Variants in DIAPH3 observed in about 807,000 individuals in gnomAD.
DIAPH3 encodes protein diaphanous homolog 3.
Under a neutral mutation model 144.3 loss-of-function variants are expected in DIAPH3, and 117 were observed. The observed-to-expected ratio is 0.81, with a 90% CI of 0.70 to 0.95. The LOEUF (loss-of-function observed/expected upper bound fraction) is 0.95. Among genes scored for constraint, DIAPH3 ranks in the 40% least tolerant of loss-of-function variants. The pLI is 0.00. For synonymous variants in DIAPH3, 519 were observed against 488.9 expected (o/e 1.06, Z -0.81); for missense variants, 1,421 against 1,412.7 (o/e 1.01, Z -0.09).
chr13:60,038,220 G>A (rs1258790970), intron 5 of DIAPH3, among the ~76,000 whole-genome samples: 2 of 152,172 alleles, frequency 1.3e-5, no homozygotes, highest in Non-Finnish European at 2.9e-5. Flanking sequence ...TCATTAGTAG[G>A]CAAGGAGATG....
chr13:59,689,719 C>T (rs943548163), intron 27 of DIAPH3, among the ~76,000 whole-genome samples: 2 of 151,488 alleles, frequency 1.3e-5, no homozygotes. Context: ...AAAGATTTGG[C>T]AGATGTTGGG....
chr13:59,853,861 T>G (rs2043115064), intron 22 of DIAPH3, among the ~76,000 whole-genome samples: 1 of 152,164 alleles, frequency 6.6e-6, no homozygotes, highest in Admixed American at 6.5e-5. Flanking sequence ...TTAGTATAAT[T>G]TCCATGCACT....
intron 27 of DIAPH3, among the ~76,000 whole-genome samples, chr13:59,773,533 A>C (rs1446315562): frequency 2.0e-5 from 3 of 152,210 alleles, no homozygotes; most frequent in Non-Finnish European, 4.4e-5. Context: ...GAACCCAAGG[A>C]CATAACACAG....
At chr13:59,995,056 C>T (rs2052104837) in intron 9 of DIAPH3, among the ~76,000 whole-genome samples, 2 of 151,730 alleles carry the variant, frequency 1.3e-5, no homozygotes, top group Non-Finnish European at 2.9e-5. Flanking sequence ...AGGCCTCCCA[C>T]TTTTGTTATT....
At chr13:60,163,208 GTTC>G (rs1337975677) in intron 1 of DIAPH3, among the ~76,000 whole-genome samples, 2 of 152,062 alleles carry the variant, frequency 1.3e-5, no homozygotes, top group African/African-American at 2.4e-5. Flanking sequence ...GTAATTAAAA[GTTC>G]TTATTAAAAT....
chr13:60,149,683 G>A lies in DIAPH3; in HGVS notation c.180+13904C>T, dbSNP rs949993979. 8.7e-5 allele frequency among the ~76,000 whole-genome samples: 13 copies of A among 149,352 alleles called. No homozygotes were observed. The East Asian group carries it at 2.6e-3, about 29-fold the overall frequency. On this transcript the variant is annotated intron_variant, in intron 1 of 27. Transcript: ENST00000400324. ...TGGGAGGATCACATGAGCCCAAGAGGTGAAGGCTGCAGTGAGCCATGATTG... is the reference window on the plus strand; with the variant it reads ...TGGGAGGATCACATGAGCCCAAGAGATGAAGGCTGCAGTGAGCCATGATTG...
chr13:59,921,372 T>C (rs1197150454), intron 18 of DIAPH3, among the ~76,000 whole-genome samples: 1 of 150,258 alleles, frequency 6.7e-6, no homozygotes, highest in East Asian at 1.9e-4. Context: ...CAAATAAATA[T>C]AGTCATAAAT....
chr13:60,004,353 G>A (rs1352287877), intron 9 of DIAPH3, among the ~76,000 whole-genome samples: 1 of 152,068 alleles, frequency 6.6e-6, no homozygotes, highest in African/African-American at 2.4e-5. Context: ...CAGAGAAATA[G>A]GTATTTTTAG....
intron 1 of DIAPH3, among the ~76,000 whole-genome samples, chr13:60,143,781 C>A (rs947597431): frequency 2.6e-5 from 4 of 152,106 alleles, no homozygotes; most frequent in Admixed American, 6.5e-5. Context: ...TGTCATATTT[C>A]TTTGGGGCTC....
intron 24 of DIAPH3, among the ~76,000 whole-genome samples, chr13:59,816,245 T>C (rs2040766819): frequency 6.6e-6 from 1 of 152,084 alleles, no homozygotes; most frequent in Non-Finnish European, 1.5e-5. Context: ...ATCATTTCAT[T>C]AAAATTTGGT....
chr13:60,008,677 T>C, intron 8 of DIAPH3, 28 bp from the exon 9 acceptor site: 2 of 1,414,858 alleles, frequency 1.4e-6, no homozygotes, highest in Non-Finnish European at 2.0e-6. Context: ...TCAATTAAAT[T>C]GCAAGTAGCA....
At chr13:59,811,601 G>T (rs1227964707) in intron 24 of DIAPH3, among the ~76,000 whole-genome samples, 1 of 151,852 alleles carries the variant, frequency 6.6e-6, no homozygotes, top group African/African-American at 2.4e-5. Context: ...GCTGGGTGTG[G>T]TGGCGGGTGC....
rs577703229 is a variant in DIAPH3 at position 59,870,105 on chromosome 13, T to G, written c.2608-8569A>C. 2.6e-5 allele frequency among the ~76,000 whole-genome samples: 4 copies of G among 152,048 alleles called. No individual in the cohort carries two copies. The South Asian group carries it at 6.2e-4, about 24-fold the overall frequency. On this transcript the variant is annotated intron_variant, in intron 21 of 27. Transcript: ENST00000400324. ...CTATAAAATGTATAGTCTTGCAATT[T>G]ATATTTAGGTCCATGATAAATTTTT... is the stretch of plus-strand genomic sequence containing the variant.
At chr13:59,872,246 C>T (rs1056616743) in intron 21 of DIAPH3, among the ~76,000 whole-genome samples, 2 of 152,038 alleles carry the variant, frequency 1.3e-5, no homozygotes, top group Admixed American at 6.5e-5. Flanking sequence ...TTTATTGCAT[C>T]GAACAAAACT....
chr13:59,737,913 T>C (rs750720319), intron 27 of DIAPH3, among the ~76,000 whole-genome samples: 2 of 152,118 alleles, frequency 1.3e-5, no homozygotes, highest in Non-Finnish European at 2.9e-5. Context: ...ATGGCTATAA[T>C]CCCAGCACTT....
At chr13:60,110,587 G>A (rs1306352533) in intron 3 of DIAPH3, among the ~76,000 whole-genome samples, 2 of 152,114 alleles carry the variant, frequency 1.3e-5, no homozygotes, top group African/African-American at 4.8e-5. Flanking sequence ...TATACTCAAG[G>A]AATCAGTAAG....
At chr13:60,021,411 G>A (rs1483060210) in intron 5 of DIAPH3, among the ~76,000 whole-genome samples, 1 of 152,128 alleles carries the variant, frequency 6.6e-6, no homozygotes, top group Non-Finnish European at 1.5e-5. Flanking sequence ...GATCACTTGA[G>A]GCCAGGAGTT....
intron 27 of DIAPH3, among the ~76,000 whole-genome samples, chr13:59,672,023 A>G (rs1054993298): frequency 6.6e-6 from 1 of 152,248 alleles, no homozygotes; most frequent in Non-Finnish European, 1.5e-5. Flanking sequence ...CAAAAGACAC[A>G]GGAAACTGGG....
intron 4 of DIAPH3, among the ~76,000 whole-genome samples, chr13:60,077,665 A>C (rs1435319681): frequency 6.6e-6 from 1 of 152,136 alleles, no homozygotes; most frequent in African/African-American, 2.4e-5. Flanking sequence ...GCTGCAAAAT[A>C]CCACTGCAAC....
Sources: gnomAD v4.1 joint callset for allele counts (sites outside exome capture counted in the v4.1 genomes callset) on GRCh38, gnomAD v4.1.1 for gene constraint, MANE v1.5 for transcripts, NCBI Gene and HGNC (gene_info 2026-07-23, HGNC 2026-07-21) for gene names.